Variants in PHLPP1 observed in about 807,000 individuals in gnomAD.
The protein encoded by PHLPP1 is PH domain and leucine rich repeat protein phosphatase 1.
In PHLPP1, 42 loss-of-function variants were observed where a neutral mutation model predicts 117.2. That is an observed-to-expected ratio of 0.36 (90% CI 0.28 to 0.46). PHLPP1 has a LOEUF of 0.46. Ranked by LOEUF, PHLPP1 falls within the 20% of genes least tolerant of loss-of-function variation. PHLPP1 has a pLI of 1.00. For missense variants in PHLPP1, 2,084 were observed against 2,241.9 expected (o/e 0.93, Z 1.42); for synonymous variants, 1,042 against 970.7 (o/e 1.07, Z -1.37).
intron 7 of PHLPP1, among the ~76,000 whole-genome samples, chr18:62,904,366 AGACT>A (rs1243449415): frequency 1.3e-5 from 2 of 152,202 alleles, no homozygotes; most frequent in African/African-American, 4.8e-5. Flanking sequence ...AAAGTGGAGG[AGACT>A]TGATGGAAGT....
At chr18:62,943,850 T>G (rs1398616667) in intron 11 of PHLPP1, among the ~76,000 whole-genome samples, 1 of 152,210 alleles carries the variant, frequency 6.6e-6, no homozygotes, top group South Asian at 2.1e-4. Context: ...TTAAATAATA[T>G]TCTCAGAAAT....
chr18:62,977,016 A>G (rs1374570698), intron 16 of PHLPP1, among the ~76,000 whole-genome samples: 1 of 152,212 alleles, frequency 6.6e-6, no homozygotes, highest in Middle Eastern at 3.2e-3. Context: ...AGAGAAATCT[A>G]AAGGGATGGA....
chr18:62,766,742 G>A (rs1027423590), intron 1 of PHLPP1, among the ~76,000 whole-genome samples: 1 of 151,920 alleles, frequency 6.6e-6, no homozygotes, highest in Admixed American at 6.6e-5. Context: ...TTTCTTTCTG[G>A]CTTTCCTGTC....
chr18:62,824,601 T>C (rs187951129), intron 1 of PHLPP1, among the ~76,000 whole-genome samples: 118 of 152,224 alleles, frequency 7.8e-4, no homozygotes, highest in Non-Finnish European at 8.4e-4. Flanking sequence ...TTTTATACTT[T>C]ATGTAGTTTA....
chr18:62,862,332 T>G (rs557798586), intron 4 of PHLPP1, among the ~76,000 whole-genome samples: 1 of 152,188 alleles, frequency 6.6e-6, no homozygotes, highest in East Asian at 1.9e-4. Flanking sequence ...CCGCCCACCT[T>G]GACCTCCCAA....
intron 4 of PHLPP1, among the ~76,000 whole-genome samples, chr18:62,882,250 T>G (rs1385245003): frequency 6.6e-6 from 1 of 151,490 alleles, no homozygotes; most frequent in Non-Finnish European, 1.5e-5. Flanking sequence ...GGTCTGTGTC[T>G]CTCATTCATT....
At chr18:62,851,770 T>G (rs936179459) in intron 3 of PHLPP1, among the ~76,000 whole-genome samples, 1 of 151,912 alleles carries the variant, frequency 6.6e-6, no homozygotes, top group Non-Finnish European at 1.5e-5. Flanking sequence ...ATCTCTCATT[T>G]TTAACCTATT....
At chr18:62,944,113 A>G (rs1296306382) in intron 11 of PHLPP1, among the ~76,000 whole-genome samples, 1 of 152,200 alleles carries the variant, frequency 6.6e-6, no homozygotes, top group Non-Finnish European at 1.5e-5. Context: ...AAATGAAACT[A>G]TAACAGGTAG....
chr18:62,915,607 G>T (rs1909245707), intron 9 of PHLPP1, among the ~76,000 whole-genome samples: 1 of 152,132 alleles, frequency 6.6e-6, no homozygotes, highest in Non-Finnish European at 1.5e-5. Flanking sequence ...GACTTCTATT[G>T]TCTGTAAATA....
At chr18:62,912,447 A>G (rs1204396685) in intron 8 of PHLPP1, among the ~76,000 whole-genome samples, 1 of 151,896 alleles carries the variant, frequency 6.6e-6, no homozygotes, top group Non-Finnish European at 1.5e-5. Flanking sequence ...AGATAATTTT[A>G]TTTAATTAAC....
At chr18:62,792,613 G>A (rs1417838210) in intron 1 of PHLPP1, among the ~76,000 whole-genome samples, 4 of 152,116 alleles carry the variant, frequency 2.6e-5, no homozygotes, top group Admixed American at 6.5e-5. Flanking sequence ...GCTCACGCCT[G>A]TAATCCCAGC....
At chr18:62,742,222 C>T (rs192679320) in intron 1 of PHLPP1, among the ~76,000 whole-genome samples, 87 of 152,236 alleles carry the variant, frequency 5.7e-4, no homozygotes, top group Non-Finnish European at 9.4e-4. Context: ...AAAAGTAACG[C>T]GGTCTTTTCT....
At chr18:62,933,355 A>C (rs78660052) in intron 10 of PHLPP1, among the ~76,000 whole-genome samples, 1 of 152,228 alleles carries the variant, frequency 6.6e-6, no homozygotes, top group Non-Finnish European at 1.5e-5. Flanking sequence ...CCTGACTTCA[A>C]GGTAATATAC....
chr18:62,794,706 A>G (rs1223398481), intron 1 of PHLPP1, among the ~76,000 whole-genome samples: 1 of 152,188 alleles, frequency 6.6e-6, no homozygotes, highest in Non-Finnish European at 1.5e-5. Context: ...ACAATTAACA[A>G]TTTAAAGAAC....
At chr18:62,887,684 C>T (rs1916316053) in intron 4 of PHLPP1, among the ~76,000 whole-genome samples, 1 of 152,172 alleles carries the variant, frequency 6.6e-6, no homozygotes, top group Non-Finnish European at 1.5e-5. Flanking sequence ...TACCTCTTAT[C>T]ACATTGGGGA....
intron 8 of PHLPP1, among the ~76,000 whole-genome samples, chr18:62,913,280 G>A (rs1038262876): frequency 6.6e-6 from 1 of 151,710 alleles, no homozygotes; most frequent in Non-Finnish European, 1.5e-5. Context: ...ATCCTGTTGA[G>A]ATGTTTTAGA....
At chr18:62,973,752 A>G (rs1911117560) in intron 15 of PHLPP1, among the ~76,000 whole-genome samples, 1 of 152,222 alleles carries the variant, frequency 6.6e-6, no homozygotes, top group Non-Finnish European at 1.5e-5. Context: ...AATAATGGCT[A>G]ATATCCAGCA....
At chr18:62,958,495 C>A in intron 12 of PHLPP1, 134 bp from the exon 13 acceptor site, 3 of 755,534 alleles carry the variant, frequency 4.0e-6, no homozygotes, top group Admixed American at 2.8e-5. Flanking sequence ...ACAGATAAGC[C>A]TCCTTTTCCA....
intron 1 of PHLPP1, among the ~76,000 whole-genome samples, chr18:62,725,706 A>G (rs1911049800): frequency 6.6e-6 from 1 of 152,262 alleles, no homozygotes; most frequent in Admixed American, 6.5e-5. Flanking sequence ...CTGTGGAAAC[A>G]AATATTTCCA....
Sources: gnomAD v4.1 joint callset for allele counts (sites outside exome capture counted in the v4.1 genomes callset) on GRCh38, gnomAD v4.1.1 for gene constraint, MANE v1.5 for transcripts, NCBI Gene and HGNC (gene_info 2026-07-23, HGNC 2026-07-21) for gene names.